CABLES1: variants seen among roughly 807,000 people sequenced by gnomAD.
CABLES1 encodes the protein Cdk5 and Abl enzyme substrate 1, also known as CDK5 and ABL1 enzyme substrate 1.
In CABLES1, 36 loss-of-function variants were observed where a neutral mutation model predicts 57.8. The observed-to-expected ratio is 0.62, with a 90% CI of 0.48 to 0.82. CABLES1 has a LOEUF of 0.82. Ranked by LOEUF, CABLES1 falls within the 40% of genes least tolerant of loss-of-function variation. The pLI is 0.00. For missense variants in CABLES1, 767 were observed against 836.6 expected (o/e 0.92, Z 1.03); for synonymous variants, 374 against 363.0 (o/e 1.03, Z -0.35).
intron 9 of CABLES1, among the ~76,000 whole-genome samples, chr18:23,256,463 G>A (rs1350403601): frequency 3.9e-5 from 6 of 152,114 alleles, no homozygotes; most frequent in Admixed American, 6.5e-5. Context: ...TTTTATTGTC[G>A]TGCGTGGTTT....
chr18:23,245,168 G>T (rs762108821), intron 7 of CABLES1, among the ~76,000 whole-genome samples: 8 of 152,128 alleles, frequency 5.3e-5, no homozygotes, highest in Non-Finnish European at 1.2e-4. Flanking sequence ...TTCCATGGAG[G>T]CCCCTTCCCT....
chr18:23,229,034 A>C (rs2047548256), intron 4 of CABLES1, among the ~76,000 whole-genome samples: 2 of 152,212 alleles, frequency 1.3e-5, no homozygotes, highest in African/African-American at 4.8e-5. Context: ...CAACATTTTA[A>C]CCTAATATAC....
At chr18:23,177,418 TACACACACACACAC>T (rs10692529) in intron 1 of CABLES1, among the ~76,000 whole-genome samples, 3 of 144,638 alleles carry the variant, frequency 2.1e-5, no homozygotes, top group Admixed American at 6.9e-5. Context: ...AGCACATGTG[TACACACACACACAC>T]ACACACACAC....
In CABLES1 at chr18:23,181,496, CAAAAAAAAAAAAA is replaced by C. The variant is rs59742943; in HGVS notation, c.846-7323_846-7311del. Among the ~76,000 whole-genome samples the C allele has an allele frequency of 2.5e-3, 87 of 35,416 alleles. 3 individuals are homozygous for C. The South Asian group carries it at 0.14, about 56-fold the overall frequency. The allele number at this position is 35,416 out of a possible 152,430, so 23.2% of individuals were successfully genotyped here. On this transcript the variant is annotated intron_variant, in intron 1 of 9. Transcript: ENST00000256925. ...GGGCAACAAGAGCAAAGCTTCGTCTCAAAAAAAAAAAAAAAAAAAAAAAAAAAAAAAGATGCCC... is the reference window on the plus strand; with the variant it reads ...GGGCAACAAGAGCAAAGCTTCGTCTCAAAAAAAAAAAAAAAAAAGATGCCC...
chr18:23,165,653 A>G (rs2047037168), intron 1 of CABLES1, among the ~76,000 whole-genome samples: 1 of 152,214 alleles, frequency 6.6e-6, no homozygotes, highest in Non-Finnish European at 1.5e-5. Context: ...TTCACTTAGC[A>G]TAATGTCCTT....
chr18:23,152,604 C>A (rs1287419532), intron 1 of CABLES1, among the ~76,000 whole-genome samples: 5 of 151,422 alleles, frequency 3.3e-5, no homozygotes, highest in Non-Finnish European at 7.4e-5. Flanking sequence ...TATGCCTCAG[C>A]CTCCCGAGTA....
At chr18:23,247,437 G>A (rs554243011) in intron 7 of CABLES1, among the ~76,000 whole-genome samples, 1 of 152,338 alleles carries the variant, frequency 6.6e-6, no homozygotes, top group Admixed American at 6.5e-5. Flanking sequence ...CAGCTTATGT[G>A]CTGGGCCCCT....
chr18:23,178,624 A>C (rs746662474), intron 1 of CABLES1, among the ~76,000 whole-genome samples: 1 of 150,980 alleles, frequency 6.6e-6, no homozygotes, highest in Non-Finnish European at 1.5e-5. Context: ...GTTTTTCAAG[A>C]TTAGCAGGAC....
At chr18:23,199,428 G>T (rs1252283473) in intron 3 of CABLES1, among the ~76,000 whole-genome samples, 2 of 152,184 alleles carry the variant, frequency 1.3e-5, no homozygotes, top group African/African-American at 4.8e-5. Context: ...ATTCATAATA[G>T]CTAATAGGTG....
chr18:23,219,400 C>T (rs976018152), intron 4 of CABLES1: 9 of 447,642 alleles, frequency 2.0e-5, no homozygotes, highest in Non-Finnish European at 3.6e-5. Flanking sequence ...CCAGCGAAGG[C>T]GATTCTTCAG....
chr18:23,157,677 TTAA>T (rs35392977), intron 1 of CABLES1, among the ~76,000 whole-genome samples: 113,039 of 151,762 alleles, frequency 0.74, 42,445 homozygotes, highest in Middle Eastern at 0.81. Context: ...TTATCTCTTC[TTAA>T]TAATTTCTAT....
intron 4 of CABLES1, among the ~76,000 whole-genome samples, chr18:23,233,084 G>A (rs114688895): frequency 1.5e-3 from 230 of 152,270 alleles, no homozygotes; most frequent in African/African-American, 5.3e-3. Flanking sequence ...GGTCTGAGGT[G>A]CCTTTGACTA....
chr18:23,230,567 C>G (rs893728653), intron 4 of CABLES1, among the ~76,000 whole-genome samples: 3 of 152,182 alleles, frequency 2.0e-5, no homozygotes, highest in Admixed American at 2.0e-4. Flanking sequence ...AAGTTGCCCT[C>G]TGCCATCACG....
intron 1 of CABLES1, among the ~76,000 whole-genome samples, chr18:23,186,613 T>TG (rs1346078876): frequency 6.6e-6 from 1 of 152,030 alleles, no homozygotes; most frequent in Non-Finnish European, 1.5e-5. Context: ...TCAGTAGAGA[T>TG]GGGTCACCAT....
chr18:23,248,075 C>T (rs1348378757), intron 7 of CABLES1, among the ~76,000 whole-genome samples: 1 of 152,240 alleles, frequency 6.6e-6, no homozygotes, highest in African/African-American at 2.4e-5. Context: ...CCGCAAGACC[C>T]GGGCCAGAGT....
Position 23,237,123 on chromosome 18 carries a change from T to C in CABLES1, c.1343-19T>C. ...CGGAGCCGCTAATTATCATTTTGCA[T>C]TTTGCATGTGATCTTCAGGTAGTGA... On this transcript the variant is annotated intron_variant, in intron 6 of 9. Transcript: ENST00000256925. The C allele has an allele frequency of 6.7e-7, 1 of 1,484,506 alleles. No homozygotes were observed. The highest frequency in any genetic ancestry group is 9.4e-7 in the Non-Finnish European group (1 of 1,061,694). 92.0% of individuals were successfully genotyped at this position (1,484,506 alleles called of 1,614,324 possible). A position where few individuals can be genotyped will look rare whatever the true frequency, so the allele number is the denominator to read the frequency against.
Position 23,235,954 on chromosome 18 carries a change from C to A in CABLES1, c.1245C>A (p.Thr415=), listed in dbSNP as rs565339161. 1 of 1,614,136 alleles carries A rather than the reference C, an allele frequency of 6.2e-7. No homozygotes were observed. The highest frequency in any genetic ancestry group is 1.7e-5 in the Admixed American group (1 of 60,028). The change falls in exon 6 of 10, where the codon ACC becomes ACA. Residue 415 remains threonine (T), a synonymous_variant. Transcript: ENST00000256925. ...PTNAFGARRN[T]IDSTSSFSQF... ...ATGCCTTTGGAGCCCGGAGAAATAC[C>A]ATAGACTCCACCTCCTCTTTCTCCC...
At chr18:23,248,126 G>A (rs149453649) in intron 7 of CABLES1, among the ~76,000 whole-genome samples, 10 of 152,376 alleles carry the variant, frequency 6.6e-5, no homozygotes, top group South Asian at 4.1e-4. Flanking sequence ...CTCCAGAGCC[G>A]CAGGCTGAGC....
intron 1 of CABLES1, among the ~76,000 whole-genome samples, chr18:23,140,111 A>C (rs2046848353): frequency 2.0e-5 from 3 of 152,214 alleles, no homozygotes; most frequent in African/African-American, 7.2e-5. Flanking sequence ...TGTCAGGTGC[A>C]GTGTCAGAGG....
Sources: allele counts gnomAD v4.1 joint callset (sites outside exome capture counted in the v4.1 genomes callset), GRCh38; gene constraint gnomAD v4.1.1; transcripts MANE v1.5; gene names NCBI Gene and HGNC (gene_info 2026-07-23, HGNC 2026-07-21).